NBEA: variants seen among roughly 807,000 people sequenced by gnomAD.
The protein encoded by NBEA is neurobeachin.
A neutral mutation model predicts 343.4 loss-of-function variants in NBEA; 44 were observed. That is an observed-to-expected ratio of 0.13 (90% CI 0.10 to 0.16). The LOEUF is 0.16. Ranked by LOEUF, NBEA falls within the 10% of genes least tolerant of loss-of-function variation. The pLI, the probability that NBEA is intolerant of heterozygous loss-of-function variation, is 1.00. For missense variants in NBEA, 2,555 were observed against 3,631.3 expected (o/e 0.70, Z 7.62); for synonymous variants, 1,175 against 1,238.7 (o/e 0.95, Z 1.08).
chr13:35,011,978 T>C (rs1423010082), intron 1 of NBEA, among the ~76,000 whole-genome samples: 1 of 152,228 alleles, frequency 6.6e-6, no homozygotes, highest in Non-Finnish European at 1.5e-5. Flanking sequence ...TATCAGTGCA[T>C]AGTGCCAGTG....
chr13:35,077,709 A>G (rs1469586645), intron 10 of NBEA, among the ~76,000 whole-genome samples: 4 of 152,088 alleles, frequency 2.6e-5, no homozygotes, highest in African/African-American at 9.7e-5. Context: ...TCTAAAATAC[A>G]AATCTAATTA....
intron 41 of NBEA, among the ~76,000 whole-genome samples, chr13:35,538,535 C>G (rs2078664197): frequency 6.6e-6 from 1 of 152,134 alleles, no homozygotes; most frequent in Non-Finnish European, 1.5e-5. Context: ...TTCAGTGTAA[C>G]TAAGCGGCAC....
chr13:35,318,940 G>A (rs1488856159), intron 36 of NBEA, among the ~76,000 whole-genome samples: 1 of 152,110 alleles, frequency 6.6e-6, no homozygotes, highest in African/African-American at 2.4e-5. Context: ...TGTGGGATCA[G>A]TGTGATATCC....
intron 33 of NBEA, among the ~76,000 whole-genome samples, chr13:35,220,509 T>C (rs945926278): frequency 5.3e-5 from 8 of 152,214 alleles, no homozygotes; most frequent in Non-Finnish European, 1.0e-4. Context: ...TATTTTCTTA[T>C]AGTGCTTTGA....
chr13:34,972,157 T>G (rs1055616993), intron 1 of NBEA, among the ~76,000 whole-genome samples: 1 of 152,126 alleles, frequency 6.6e-6, no homozygotes, highest in Non-Finnish European at 1.5e-5. Flanking sequence ...CTCCGATGGT[T>G]GTTTGTGTTT....
At chr13:35,482,781 C>G (rs960005848) in intron 41 of NBEA, among the ~76,000 whole-genome samples, 3 of 151,502 alleles carry the variant, frequency 2.0e-5, no homozygotes, top group Non-Finnish European at 4.4e-5. Context: ...ATGATTTTTC[C>G]ATATGATTGT....
At chr13:35,205,326 CA>C (rs780914127) in intron 31 of NBEA, among the ~76,000 whole-genome samples, 1 of 152,086 alleles carries the variant, frequency 6.6e-6, no homozygotes, top group Non-Finnish European at 1.5e-5. Flanking sequence ...TCATCTCAGC[CA>C]TTTGAACACA....
At chr13:35,039,801 T>A (rs2152557049) in intron 1 of NBEA, among the ~76,000 whole-genome samples, 1 of 152,336 alleles carries the variant, frequency 6.6e-6, no homozygotes, top group South Asian at 2.1e-4. Flanking sequence ...ACTCCCTGTC[T>A]GTTCCTAATC....
chr13:35,297,835 T>C (rs1374949163), intron 35 of NBEA, among the ~76,000 whole-genome samples: 1 of 151,932 alleles, frequency 6.6e-6, no homozygotes, highest in Admixed American at 6.6e-5. Flanking sequence ...ATTTTTATTG[T>C]GATAAAATAC....
intron 41 of NBEA, among the ~76,000 whole-genome samples, chr13:35,542,552 C>A (rs2078880842): frequency 6.6e-6 from 1 of 152,092 alleles, no homozygotes; most frequent in Non-Finnish European, 1.5e-5. Context: ...AAGTGAAACT[C>A]TTCTACCAGA....
intron 1 of NBEA, among the ~76,000 whole-genome samples, chr13:35,011,319 G>A (rs1359903156): frequency 6.6e-6 from 1 of 152,128 alleles, no homozygotes; most frequent in Non-Finnish European, 1.5e-5. Context: ...GAAATGGATT[G>A]TAGAGGAGCA....
chr13:35,522,057 G>A (rs1179735927), intron 41 of NBEA, among the ~76,000 whole-genome samples: 1 of 152,058 alleles, frequency 6.6e-6, no homozygotes, highest in Non-Finnish European at 1.5e-5. Flanking sequence ...ACAGAGAGGC[G>A]AACCACTTCT....
intron 41 of NBEA, chr13:35,476,749 A>G (rs2075890297): frequency 1.9e-6 from 2 of 1,062,110 alleles, no homozygotes; most frequent in Admixed American, 4.9e-5. Flanking sequence ...GCGGGCGGCC[A>G]ATCGCCACTG....
chr13:35,604,935 T>C (rs2082223016), intron 47 of NBEA, among the ~76,000 whole-genome samples: 2 of 152,146 alleles, frequency 1.3e-5, no homozygotes, highest in Admixed American at 1.3e-4. Context: ...CCTCAGCTGC[T>C]ATTGTGTATT....
At position 34,981,349 on chromosome 13, in the gene NBEA, A is replaced by G. The variant is rs189722875; in HGVS notation, c.294+38235A>G. On this transcript the variant is annotated intron_variant, in intron 1 of 58. Transcript: ENST00000379939. ...GGCTTTTATGAATAATGCTGATATGAACATTTGCATCTAAGTCTTCATATG... is the reference window on the plus strand; with the variant it reads ...GGCTTTTATGAATAATGCTGATATGGACATTTGCATCTAAGTCTTCATATG... 3.3e-3 allele frequency among the ~76,000 whole-genome samples: 505 copies of G among 152,328 alleles called. 5 individuals carry two copies. Among genetic ancestry groups the G allele is most frequent in the African/African-American group, 0.012 (480 of 41,574 alleles).
chr13:35,043,861 A>G (rs1427347866), intron 2 of NBEA, among the ~76,000 whole-genome samples: 3 of 152,094 alleles, frequency 2.0e-5, no homozygotes, highest in Non-Finnish European at 4.4e-5. Flanking sequence ...ATTTCAGCTT[A>G]CCCTAACCTA....
At chr13:35,173,648 T>A in intron 27 of NBEA, 54 bp downstream of exon 27, 2 of 1,548,038 alleles carry the variant, frequency 1.3e-6, no homozygotes, top group East Asian at 4.6e-5. Flanking sequence ...AAAATCTTTT[T>A]TAAGTTGATG....
intron 36 of NBEA, among the ~76,000 whole-genome samples, chr13:35,323,317 A>G (rs1315888624): frequency 1.3e-5 from 2 of 152,072 alleles, no homozygotes; most frequent in Non-Finnish European, 2.9e-5. Context: ...ACCAACCCAA[A>G]TGTCCAACAA....
chr13:35,604,802 G>T (rs1227949724), intron 47 of NBEA, among the ~76,000 whole-genome samples: 7 of 151,928 alleles, frequency 4.6e-5, no homozygotes, highest in Admixed American at 4.6e-4. Flanking sequence ...AACTCCCTGA[G>T]GGTGCCCGGC....
Sources: gnomAD v4.1 joint callset for allele counts (sites outside exome capture counted in the v4.1 genomes callset) on GRCh38, gnomAD v4.1.1 for gene constraint, MANE v1.5 for transcripts, NCBI Gene and HGNC (gene_info 2026-07-23, HGNC 2026-07-21) for gene names.